Variants in NFXL1 observed in about 807,000 individuals in gnomAD.
NFXL1 encodes NF-X1-type zinc finger protein NFXL1.
Under a neutral mutation model 123.3 loss-of-function variants are expected in NFXL1, and 66 were observed. That is an observed-to-expected ratio of 0.54 (90% CI 0.44 to 0.66). The LOEUF (loss-of-function observed/expected upper bound fraction) is 0.66. NFXL1 is among the 30% of genes least tolerant of loss of function. The probability of loss-of-function intolerance (pLI) is 0.00; values close to 1 mark genes in which losing one functional copy is unlikely to be tolerated. For missense variants in NFXL1, 944 were observed against 1,125.6 expected, an observed-to-expected ratio of 0.84 and a Z score of 2.31; for synonymous variants, 346 against 360.8, an observed-to-expected ratio of 0.96 and a Z score of 0.46.
chr4:47,863,764 A>T (rs1175381134), intron 18 of NFXL1, among the ~76,000 whole-genome samples: 1 of 152,228 alleles, frequency 6.6e-6, no homozygotes, highest in Non-Finnish European at 1.5e-5. Context: ...TTTATATCTC[A>T]GTGAGTAATT....
intron 18 of NFXL1, among the ~76,000 whole-genome samples, chr4:47,872,478 GA>G (rs76058056): frequency 0.02 from 2,676 of 132,144 alleles, 89 homozygotes; most frequent in African/African-American, 0.067. Flanking sequence ...AAAAAAAAAA[GA>G]AAAAAAAAAT....
rs1259435168 is a variant in NFXL1, at chr4:47,914,154, C to T, written c.50G>A (p.Gly17Glu). 7 of 1,547,644 alleles carry T rather than the reference C, an allele frequency of 4.5e-6. No individual in the cohort carries two copies. Among genetic ancestry groups the T allele is most frequent in the Non-Finnish European group, 4.4e-6 (5 of 1,144,978 alleles). The change falls in exon 2 of 23, where the codon GGA (glycine) becomes GAA (glutamate). Residue 17 changes from glycine to glutamate, a missense_variant. By Grantham distance (98) the Gly-to-Glu change is moderately conservative. This residue lies in a region of NFXL1 where 303 missense variants were observed against 292.1 expected (regional missense o/e 1.04). Coordinates refer to ENST00000507489, the MANE Select transcript of NFXL1 (RefSeq NM_001278624.2). ...TCCTGAGGGGGCGGCAGTGGCCCGT[C>T]CCCGGGATCGGCCTCGGCCACCGGC... is the stretch of plus-strand genomic sequence containing the variant. ...QVAGGRGRSR[G>E]RATAAPSGNG... is the part of the protein sequence containing the mutation.
At chr4:47,881,154 T>C (rs1736094355) in intron 15 of NFXL1, among the ~76,000 whole-genome samples, 1 of 152,030 alleles carries the variant, frequency 6.6e-6, no homozygotes, top group Non-Finnish European at 1.5e-5. Context: ...CAGATAACGA[T>C]AGTTAACAAT....
intron 19 of NFXL1, among the ~76,000 whole-genome samples, chr4:47,859,237 C>G (rs1734585496): frequency 6.6e-6 from 1 of 152,174 alleles, no homozygotes; most frequent in Non-Finnish European, 1.5e-5. Flanking sequence ...CTGTCTGCAT[C>G]AAAACGTTCC....
chr4:47,855,107 G>GT lies in NFXL1; in HGVS notation c.2372dup (p.Asn791LysfsTer9). On this transcript the variant is annotated frameshift_variant, in exon 20 of 23. Coordinates refer to ENST00000507489, the MANE Select transcript of NFXL1 (RefSeq NM_001278624.2). LOFTEE classifies it high-confidence loss of function. Reference sequence around the variant, plus strand: ...ATCTAAGTTTTACCTTCTGGTTGCAGTTAAAGGGACATTCACCAGGATGAC... The same window carrying GT: ...ATCTAAGTTTTACCTTCTGGTTGCAGTTTAAAGGGACATTCACCAGGATGAC... 6.3e-7 allele frequency: 1 copy of GT among 1,584,246 alleles called. No individual in the cohort carries two copies. The highest frequency in any genetic ancestry group is 8.6e-7 in the Non-Finnish European group (1 of 1,159,594).
chr4:47,911,260 T>A (rs1737816533), intron 2 of NFXL1, among the ~76,000 whole-genome samples: 1 of 151,922 alleles, frequency 6.6e-6, no homozygotes, highest in Non-Finnish European at 1.5e-5. Context: ...AGAAAAAAAA[T>A]ATGAAAATAC....
At chr4:47,872,729 A>C (rs958699748) in intron 18 of NFXL1, among the ~76,000 whole-genome samples, 1 of 152,200 alleles carries the variant, frequency 6.6e-6, no homozygotes, top group African/African-American at 2.4e-5. Flanking sequence ...CACTCATCTG[A>C]GCCTTCAGTC....
chr4:47,876,824 T>G (rs1409649159), intron 17 of NFXL1, among the ~76,000 whole-genome samples: 1 of 152,094 alleles, frequency 6.6e-6, no homozygotes, highest in Non-Finnish European at 1.5e-5. Flanking sequence ...CAGGATCTAT[T>G]GATGACAAAC....
rs1368541971 is a variant in NFXL1 at position 47,888,708 on chromosome 4, A to ATAAAGCAAC, written c.1543+1904_1543+1905insGTTGCTTTA. ...ATCTGCAAAACTCAGACTCTGAGAA[A>ATAAAGCAAC]CTAAATAAAGCAACCTAGTTTCTTC... On this transcript the variant is annotated intron_variant, in intron 12 of 22. Coordinates refer to ENST00000507489, the MANE Select transcript of NFXL1 (RefSeq NM_001278624.2). Among the ~76,000 whole-genome samples, 1,281 of 152,314 alleles carry ATAAAGCAAC rather than the reference A, an allele frequency of 8.4e-3. 22 individuals are homozygous for ATAAAGCAAC. Among genetic ancestry groups the ATAAAGCAAC allele is most frequent in the African/African-American group, 0.03 (1,243 of 41,568 alleles).
intron 15 of NFXL1, among the ~76,000 whole-genome samples, chr4:47,883,909 G>A (rs1736268304): frequency 6.6e-6 from 1 of 152,152 alleles, no homozygotes; most frequent in African/African-American, 2.4e-5. Flanking sequence ...TCATTCACTG[G>A]CCCATCCAGG....
intron 14 of NFXL1, among the ~76,000 whole-genome samples, chr4:47,884,881 C>T (rs1450631011): frequency 2.6e-5 from 4 of 152,182 alleles, no homozygotes; most frequent in African/African-American, 9.6e-5. Context: ...AATCCCAGCA[C>T]TTTGGGAGGC....
At chr4:47,878,503 A>G (rs370501253) in intron 17 of NFXL1, 22 bp downstream of exon 17, 57 of 1,510,752 alleles carry the variant, frequency 3.8e-5, no homozygotes, top group Non-Finnish European at 4.8e-5. Flanking sequence ...GGGCAGATAT[A>G]CATTCAATCT....
chr4:47,850,256 T>C (rs1003844398), intron 22 of NFXL1, among the ~76,000 whole-genome samples: 4 of 152,112 alleles, frequency 2.6e-5, no homozygotes, highest in African/African-American at 9.7e-5. Context: ...TACAGAACCA[T>C]AAAATCTCAA....
chr4:47,876,785 T>C lies in NFXL1; in HGVS notation c.2080-1492A>G, dbSNP rs79779711. 5.6e-3 allele frequency among the ~76,000 whole-genome samples: 854 copies of C among 152,196 alleles called. 5 individuals are homozygous for C. Among genetic ancestry groups the C allele is most frequent in the African/African-American group, 0.019 (800 of 41,528 alleles). On this transcript the variant is annotated intron_variant, in intron 17 of 22. Coordinates refer to ENST00000507489, the MANE Select transcript of NFXL1 (RefSeq NM_001278624.2). Reference sequence around the variant, plus strand: ...ATGGTGGCTTAGATGAGGGTGGTAGTGGTACAGGTTATGAGAAACTGTCAG... The same window carrying C: ...ATGGTGGCTTAGATGAGGGTGGTAGCGGTACAGGTTATGAGAAACTGTCAG...
intron 3 of NFXL1, among the ~76,000 whole-genome samples, chr4:47,907,930 A>G (rs895248793): frequency 5.9e-5 from 9 of 152,188 alleles, no homozygotes; most frequent in South Asian, 2.1e-4. Context: ...CTTTTTATCA[A>G]TTCTTACCTT....
At chr4:47,886,120 T>A (rs11940441) in intron 12 of NFXL1, 121 bp from the exon 13 acceptor site, 311,640 of 812,166 alleles carry the variant, frequency 0.38, 65,431 homozygotes, top group Non-Finnish European at 0.43. Flanking sequence ...ATGAAGAAAC[T>A]ACAACAACAT....
intron 5 of NFXL1, among the ~76,000 whole-genome samples, chr4:47,902,963 G>A (rs1737409823): frequency 1.3e-5 from 2 of 152,232 alleles, no homozygotes; most frequent in South Asian, 4.1e-4. Flanking sequence ...AGACCAGCCT[G>A]GCAGACATGG....
chr4:47,900,757 C>G (rs918414741), intron 5 of NFXL1, among the ~76,000 whole-genome samples: 7 of 152,128 alleles, frequency 4.6e-5, no homozygotes, highest in Non-Finnish European at 1.0e-4. Flanking sequence ...ATTTAAATTT[C>G]TTTTGTATCA....
chr4:47,910,755 G>T (rs765254309), intron 3 of NFXL1, 69 bp downstream of exon 3: 2 of 920,724 alleles, frequency 2.2e-6, no homozygotes, highest in South Asian at 1.9e-5. Flanking sequence ...TAGAACAAAG[G>T]CATTACCAAA....
Sources: gnomAD v4.1 joint callset for allele counts (sites outside exome capture counted in the v4.1 genomes callset) on GRCh38, gnomAD v4.1.1 for gene constraint, gnomAD v4.1.1 regional missense constraint, MANE v1.5 for transcripts, NCBI Gene and HGNC (gene_info 2026-07-23, HGNC 2026-07-21) for gene names.